Variants in FAM135B observed in about 807,000 individuals in gnomAD.
FAM135B encodes protein FAM135B.
In FAM135B, 43 loss-of-function variants were observed where a neutral mutation model predicts 127.7. The ratio of observed to expected loss-of-function variants is 0.34; its 90% CI spans 0.26 to 0.43. The LOEUF (loss-of-function observed/expected upper bound fraction) is 0.43. Ranked by LOEUF, FAM135B falls within the 20% of genes least tolerant of loss-of-function variation. The pLI is 1.00. For synonymous variants in FAM135B, 670 were observed against 665.1 expected (o/e 1.01, Z -0.11); for missense variants, 1,558 against 1,725.6 (o/e 0.90, Z 1.72).
intron 1 of FAM135B, among the ~76,000 whole-genome samples, chr8:138,414,115 A>AATAT (rs1203347529): frequency 5.4e-4 from 45 of 83,322 alleles, no homozygotes; most frequent in African/African-American, 2.4e-3. Flanking sequence ...TTCACACACA[A>AATAT]ATACATATAT....
chr8:138,466,772 C>A (rs981934158), intron 1 of FAM135B, among the ~76,000 whole-genome samples: 5 of 152,180 alleles, frequency 3.3e-5, no homozygotes, highest in Non-Finnish European at 7.3e-5. Flanking sequence ...ATTTACTTCA[C>A]GTCTAGTTCA....
intron 3 of FAM135B, among the ~76,000 whole-genome samples, chr8:138,285,813 G>A (rs1007545330): frequency 1.3e-5 from 2 of 152,198 alleles, no homozygotes; most frequent in African/African-American, 4.8e-5. Flanking sequence ...GTTTGCTCAG[G>A]TGAAGCTTTC....
chr8:138,218,764 CACAGAGAGAGAG>C (rs1215181137), intron 7 of FAM135B, among the ~76,000 whole-genome samples: 30 of 67,490 alleles, frequency 4.4e-4, no homozygotes, highest in South Asian at 7.5e-4. Context: ...CACACACACA[CACAGAGAGAGAG>C]AGAGAGAGAG....
intron 3 of FAM135B, among the ~76,000 whole-genome samples, chr8:138,278,831 A>ATATCTAATC (rs1322239362): frequency 4.6e-5 from 7 of 152,158 alleles, no homozygotes; most frequent in African/African-American, 1.7e-4. Context: ...TGGAGCTATA[A>ATATCTAATC]TATCTAATCA....
chr8:138,297,926 G>A (rs1825590902), intron 3 of FAM135B, among the ~76,000 whole-genome samples: 1 of 152,204 alleles, frequency 6.6e-6, no homozygotes, highest in Non-Finnish European at 1.5e-5. Flanking sequence ...GCAGATGCTT[G>A]CCACAGGTCC....
chr8:138,451,475 T>C (rs1277964144), intron 1 of FAM135B, among the ~76,000 whole-genome samples: 1 of 152,212 alleles, frequency 6.6e-6, no homozygotes, highest in Admixed American at 6.5e-5. Context: ...ACAGTAGCTA[T>C]ACATGCTGAG....
intron 11 of FAM135B, among the ~76,000 whole-genome samples, chr8:138,171,582 CT>C (rs1234894142): frequency 6.6e-6 from 1 of 152,206 alleles, no homozygotes; most frequent in Non-Finnish European, 1.5e-5. Flanking sequence ...CTAAAACATA[CT>C]TGTTAAATCA....
intron 7 of FAM135B, among the ~76,000 whole-genome samples, chr8:138,214,175 T>C (rs1022769929): frequency 1.3e-5 from 2 of 152,138 alleles, no homozygotes; most frequent in Admixed American, 1.3e-4. Flanking sequence ...TCCCAGGAAA[T>C]GAGAGTCTAT....
chr8:138,347,384 G>C (rs1455886150), intron 2 of FAM135B, among the ~76,000 whole-genome samples: 1 of 152,168 alleles, frequency 6.6e-6, no homozygotes, highest in Non-Finnish European at 1.5e-5. Flanking sequence ...CAAAAGAGAT[G>C]GCAATGCTTA....
chr8:138,301,106 C>G (rs1825855868), intron 3 of FAM135B, among the ~76,000 whole-genome samples: 1 of 151,404 alleles, frequency 6.6e-6, no homozygotes, highest in Non-Finnish European at 1.5e-5. Context: ...AAGAAACTGA[C>G]CTTAGCAAAT....
intron 1 of FAM135B, among the ~76,000 whole-genome samples, chr8:138,433,562 TAAA>T (rs1835310097): frequency 7.4e-6 from 1 of 134,994 alleles, no homozygotes; most frequent in Non-Finnish European, 1.6e-5. Context: ...AATAAATAAA[TAAA>T]TAAAATAATT....
At chr8:138,443,856 C>A (rs546839773) in intron 1 of FAM135B, among the ~76,000 whole-genome samples, 126 of 152,080 alleles carry the variant, frequency 8.3e-4, no homozygotes, top group Non-Finnish European at 1.2e-3. Context: ...CACAGACTGG[C>A]AAATTGGATA....
intron 16 of FAM135B, chr8:138,142,729 A>C: frequency 6.4e-6 from 2 of 312,748 alleles, no homozygotes; most frequent in Admixed American, 9.2e-5. Context: ...CCAACTTGTG[A>C]GTGTTAGAAC....
rs2130484149 is a variant in FAM135B at position 138,250,876 on chromosome 8, A to G, written c.507T>C (p.His169=). ...FHLSVISVTV[H]AALVALQQPL... ...GCTGCTGCAGAGCCACCAGGGCAGC[A>G]TGGACGGTCACCGAGATCACAGACA... The change falls in exon 6 of 20, where the codon CAT becomes CAC. Residue 169 remains histidine, a synonymous_variant. Coordinates refer to ENST00000395297, the MANE Select transcript of FAM135B (RefSeq NM_015912.4). The G allele has an allele frequency of 6.2e-7, 1 of 1,613,936 alleles. No individual in the cohort carries two copies. The highest frequency in any genetic ancestry group is 8.5e-7 in the Non-Finnish European group (1 of 1,180,006).
At chr8:138,186,739 G>C (rs1469084265) in intron 9 of FAM135B, among the ~76,000 whole-genome samples, 1 of 152,190 alleles carries the variant, frequency 6.6e-6, no homozygotes. Context: ...CCTGCAGCTT[G>C]GGGCACCGCC....
rs1817130588 is a variant in FAM135B, at chr8:138,141,373, C to T, written c.3639-24G>A. The T allele has an allele frequency of 1.9e-6, 3 of 1,613,312 alleles. No homozygotes were observed. In the African/African-American group the frequency reaches 4.0e-5, roughly 22 times the overall value. On this transcript the variant is annotated intron_variant, in intron 16 of 19. Transcript: ENST00000395297. This position sits in a 1 kb window ranked among gnomAD's most constrained non-coding sequence, Gnocchi z 4.7. ...AGCTGTGGAGAAACAGAAGGGGTAC[C>T]CATGAGTGTGACGGTGAATGCTGCT...
intron 1 of FAM135B, among the ~76,000 whole-genome samples, chr8:138,444,262 G>C (rs1835975269): frequency 1.3e-5 from 2 of 152,072 alleles, no homozygotes; most frequent in Non-Finnish European, 1.5e-5. Context: ...AGTTAACAAG[G>C]ATATCCAGGA....
chr8:138,337,044 AC>A (rs1828651496), intron 2 of FAM135B, among the ~76,000 whole-genome samples: 1 of 152,194 alleles, frequency 6.6e-6, no homozygotes, highest in African/African-American at 2.4e-5. Flanking sequence ...AAGGCCTTTG[AC>A]AAAATTCAAC....
At chr8:138,271,737 GTTAT>G (rs1027314396) in intron 3 of FAM135B, among the ~76,000 whole-genome samples, 3 of 152,106 alleles carry the variant, frequency 2.0e-5, no homozygotes, top group Non-Finnish European at 4.4e-5. Context: ...GATCATAGAT[GTTAT>G]TTATTAATTA....
Sources: allele counts gnomAD v4.1 joint callset (sites outside exome capture counted in the v4.1 genomes callset), GRCh38; gene constraint gnomAD v4.1.1; non-coding constraint Gnocchi (gnomAD v3.1); transcripts MANE v1.5; gene names NCBI Gene and HGNC (gene_info 2026-07-23, HGNC 2026-07-21).